The following DNAH12 variants were observed in gnomAD, a reference collection of about 807,000 sequenced individuals.
The protein encoded by DNAH12 is dynein axonemal heavy chain 12.
Under a neutral mutation model 371.5 loss-of-function variants are expected in DNAH12, and 285 were observed. The ratio of observed to expected loss-of-function variants is 0.77; its 90% CI spans 0.70 to 0.85. The LOEUF (loss-of-function observed/expected upper bound fraction) is 0.85, where lower values mean the gene tolerates loss of function less well. DNAH12 is among the 40% of genes least tolerant of loss of function. The pLI is 0.00. For synonymous variants in DNAH12, 1,200 were observed against 1,213.0 expected (o/e 0.99, Z 0.22); for missense variants, 3,611 against 3,689.4 (o/e 0.98, Z 0.55).
chr3:57,384,191 T>G (rs1214180197), intron 49 of DNAH12, among the ~76,000 whole-genome samples: 1 of 152,140 alleles, frequency 6.6e-6, no homozygotes, highest in Non-Finnish European at 1.5e-5. Context: ...GAAATGGCCT[T>G]TAAGTTTTTC....
intron 37 of DNAH12, among the ~76,000 whole-genome samples, chr3:57,418,217 T>C (rs991839104): frequency 1.3e-5 from 2 of 151,416 alleles, no homozygotes; most frequent in African/African-American, 4.8e-5. Flanking sequence ...CTATTTGTAC[T>C]TATTTAAAAG....
At chr3:57,495,837 T>C (rs2067296067) in intron 11 of DNAH12, among the ~76,000 whole-genome samples, 1 of 143,210 alleles carries the variant, frequency 7.0e-6, no homozygotes, top group Non-Finnish European at 1.5e-5. Flanking sequence ...TTTATATATA[T>C]TTTAAACAAT....
At chr3:57,370,468 G>A (rs2063147023) in intron 55 of DNAH12, among the ~76,000 whole-genome samples, 1 of 152,162 alleles carries the variant, frequency 6.6e-6, no homozygotes, top group Non-Finnish European at 1.5e-5. Context: ...AGAAAGTGAG[G>A]AAGCTTGAAC....
chr3:57,519,886 C>T, intron 4 of DNAH12: 1 of 926,368 alleles, frequency 1.1e-6, no homozygotes. Flanking sequence ...CACGGCCCAG[C>T]TCCACATGGC....
intron 62 of DNAH12, among the ~76,000 whole-genome samples, chr3:57,332,469 A>T (rs2062121581): frequency 6.6e-6 from 1 of 152,236 alleles, no homozygotes; most frequent in Admixed American, 6.5e-5. Context: ...AATAGGTGGT[A>T]TAGGACTGTG....
rs78787763 is a variant in DNAH12 at position 57,431,873 on chromosome 3, G to T, written c.4980+1494C>A. 9.4e-3 allele frequency among the ~76,000 whole-genome samples: 1,429 copies of T among 152,172 alleles called. 23 individuals carry two copies. Among genetic ancestry groups the T allele is most frequent in the African/African-American group, 0.032 (1,330 of 41,504 alleles). On this transcript the variant is annotated intron_variant, in intron 32 of 73. Transcript: ENST00000495027. ...CTTCTTTTATCCTCAATTTTGCAAA[G>T]AACCAAGGCCCATCACTTCACGAAG...
intron 33 of DNAH12, among the ~76,000 whole-genome samples, chr3:57,429,054 G>T (rs894156441): frequency 6.6e-6 from 1 of 152,132 alleles, no homozygotes; most frequent in Non-Finnish European, 1.5e-5. Flanking sequence ...GAAACGCCTA[G>T]GATTTCCAAA....
chr3:57,489,758 T>C (rs2067054292), intron 11 of DNAH12, 71 bp from the exon 12 acceptor site: 2 of 1,353,288 alleles, frequency 1.5e-6, no homozygotes, highest in Admixed American at 3.5e-5. Flanking sequence ...ATTGTATTGT[T>C]ATGAAAGTCC....
At chr3:57,500,161 C>CCG (rs537087104) in intron 11 of DNAH12, among the ~76,000 whole-genome samples, 5 of 151,420 alleles carry the variant, frequency 3.3e-5, no homozygotes, top group African/African-American at 9.7e-5. Context: ...CTCCTCAGCC[C>CCG]CCCCTAGTAG....
intron 60 of DNAH12, among the ~76,000 whole-genome samples, chr3:57,335,864 A>G (rs1335844799): frequency 2.6e-5 from 4 of 152,254 alleles, no homozygotes; most frequent in Admixed American, 2.6e-4. Context: ...GTTATTGCCA[A>G]CCAGAGTTGA....
chr3:57,459,074 A>G (rs569772110), intron 20 of DNAH12, among the ~76,000 whole-genome samples: 57 of 152,322 alleles, frequency 3.7e-4, no homozygotes, highest in African/African-American at 1.3e-3. Context: ...ATATCTATGG[A>G]CTATGTTCAC....
upstream of DNAH12, chr3:57,548,710 A>C (rs1346525629): frequency 6.6e-6 from 1 of 152,072 alleles, no homozygotes; most frequent in Admixed American, 6.6e-5. Flanking sequence ...GGTCTCAAAA[A>C]AATTGTTTTT....
At chr3:57,351,180 A>T (rs1553660047) in intron 60 of DNAH12, among the ~76,000 whole-genome samples, 1 of 152,096 alleles carries the variant, frequency 6.6e-6, no homozygotes, top group African/African-American at 2.4e-5. Context: ...GAGGCAGGAG[A>T]ATCGCTTGAA....
chr3:57,496,083 A>G (rs1008470006), intron 11 of DNAH12, among the ~76,000 whole-genome samples: 1 of 151,516 alleles, frequency 6.6e-6, no homozygotes, highest in Non-Finnish European at 1.5e-5. Flanking sequence ...ATATCTATGT[A>G]TCCAAAACCA....
At chr3:57,362,991 T>A (rs1252070049) in intron 58 of DNAH12, among the ~76,000 whole-genome samples, 2 of 152,202 alleles carry the variant, frequency 1.3e-5, no homozygotes, top group African/African-American at 4.8e-5. Context: ...CTAGGGTTTT[T>A]ACAGTTTTAG....
upstream of DNAH12, among the ~76,000 whole-genome samples, chr3:57,545,903 GT>G (rs1427515234): frequency 6.6e-6 from 1 of 152,154 alleles, no homozygotes; most frequent in Non-Finnish European, 1.5e-5. Context: ...GGAAAAAAAA[GT>G]TTATTTTCCT....
In DNAH12 at chr3:57,438,918, C is replaced by CGAAA. The variant is rs562343761; in HGVS notation, c.4546-1859_4546-1858insTTTC. ...CAACAGAGTGAAACTCTGTCTCAGA[C>CGAAA]AAAAAAAAAAAAAAGGAAAGCAACT... On this transcript the variant is annotated intron_variant, in intron 29 of 73. Coordinates refer to ENST00000495027, the MANE Select transcript of DNAH12 (RefSeq NM_001366028.2). Among the ~76,000 whole-genome samples the CGAAA allele has an allele frequency of 1.2e-3, 114 of 94,480 alleles. 4 individuals carry two copies. Among genetic ancestry groups the CGAAA allele is most frequent in the Middle Eastern group, 7.5e-3 (1 of 134 alleles). 62.0% of individuals were successfully genotyped at this position (94,480 alleles called of 152,430 possible).
chr3:57,301,936 T>C lies in DNAH12; in HGVS notation c.11193A>G (p.Leu3731=). 1 of 1,551,362 alleles carries C rather than the reference T, an allele frequency of 6.4e-7. No homozygotes were observed. Among genetic ancestry groups the C allele is most frequent in the Non-Finnish European group, 8.7e-7 (1 of 1,146,838 alleles). The change falls in exon 70 of 74, where the codon TTA becomes TTG. Residue 3731 remains leucine, a synonymous_variant. Transcript: ENST00000495027. The stretch of plus-strand genomic sequence containing the variant: ...GTAGAGTGTTACGTATAGTTATAAT[T>C]AAACTGCAATGAAAGAAATTATGTC... ...LVQEMERFNN[L]IITIRNTLRD...
At chr3:57,319,491 TA>T (rs1293901596) in intron 65 of DNAH12, among the ~76,000 whole-genome samples, 1 of 152,202 alleles carries the variant, frequency 6.6e-6, no homozygotes, top group Non-Finnish European at 1.5e-5. Context: ...TGGTTGAGTA[TA>T]ATATAAGTTG....
Sources: gnomAD v4.1 joint callset for allele counts (sites outside exome capture counted in the v4.1 genomes callset) on GRCh38, gnomAD v4.1.1 for gene constraint, MANE v1.5 for transcripts, NCBI Gene and HGNC (gene_info 2026-07-23, HGNC 2026-07-21) for gene names.